Variants in HMGXB3 observed in about 807,000 individuals in gnomAD.
HMGXB3 encodes HMG domain-containing protein 3.
Under a neutral mutation model 121.5 loss-of-function variants are expected in HMGXB3, and 45 were observed. That is an observed-to-expected ratio of 0.37 (90% confidence interval 0.29 to 0.47). The LOEUF is 0.47. Among genes scored for constraint, HMGXB3 ranks in the 20% least tolerant of loss-of-function variants. HMGXB3 has a pLI of 0.99. For synonymous variants in HMGXB3, 590 were observed against 624.1 expected (o/e 0.95, Z 0.81); for missense variants, 1,376 against 1,602.2 (o/e 0.86, Z 2.41).
rs6876881 is a variant in HMGXB3 at position 150,013,066 on chromosome 5, A to G, written c.909+713A>G. 1.2e-3 allele frequency among the ~76,000 whole-genome samples: 181 copies of G among 152,212 alleles called. 1 individual carries two copies. Among genetic ancestry groups the G allele is most frequent in the African/African-American group, 4.3e-3 (177 of 41,506 alleles). On this transcript the variant is annotated intron_variant, in intron 5 of 19. Transcript: ENST00000502717. ...ATGACAGTTTTATATGTCCTTTCTG[A>G]TTTGAATTCCTTCTTTTTCTTGCCT...
intron 7 of HMGXB3, 33 bp from the exon 8 acceptor site, chr5:150,026,673 G>T: frequency 6.5e-7 from 1 of 1,533,376 alleles, no homozygotes; most frequent in Non-Finnish European, 8.8e-7. Flanking sequence ...CTTTGTTCCA[G>T]AATTTCCAGA....
At chr5:150,036,491 A>G (rs1383836721) in intron 11 of HMGXB3, 145 bp from the exon 12 acceptor site, 1 of 648,866 alleles carries the variant, frequency 1.5e-6, no homozygotes, top group Non-Finnish European at 2.6e-6. Flanking sequence ...ACAGTGAGTT[A>G]TTAGCTGAGC....
At chr5:150,038,190 C>A (rs10075825) in intron 13 of HMGXB3, among the ~76,000 whole-genome samples, 2,246 of 152,270 alleles carry the variant, frequency 0.015, 63 homozygotes, top group African/African-American at 0.052. Context: ...GAACACTCAC[C>A]GTGTACCAGC....
chr5:150,023,588 A>G (rs767846429), intron 6 of HMGXB3, among the ~76,000 whole-genome samples: 3 of 152,250 alleles, frequency 2.0e-5, no homozygotes, highest in Non-Finnish European at 4.4e-5. Flanking sequence ...CTAATTGGAT[A>G]AAAGCTAAGA....
intron 4 of HMGXB3, among the ~76,000 whole-genome samples, chr5:150,011,867 C>T (rs1755849279): frequency 6.6e-6 from 1 of 152,124 alleles, no homozygotes; most frequent in Admixed American, 6.5e-5. Flanking sequence ...CCGCCTCGGC[C>T]TCCCAAAGTG....
chr5:150,003,708 A>G (rs1470858236), intron 1 of HMGXB3, among the ~76,000 whole-genome samples: 1 of 151,624 alleles, frequency 6.6e-6, no homozygotes, highest in East Asian at 1.9e-4. Context: ...TCATGCCTGT[A>G]ATACCAACAG....
At chr5:150,040,301 GCTTT>G (rs1008655725) in intron 13 of HMGXB3, among the ~76,000 whole-genome samples, 7 of 152,134 alleles carry the variant, frequency 4.6e-5, no homozygotes, top group African/African-American at 1.7e-4. Flanking sequence ...TCTTTTTAAT[GCTTT>G]CTATTTTATG....
Position 150,032,618 on chromosome 5 carries a change from C to T in HMGXB3, c.1983+15C>T. 6.4e-7 allele frequency: 1 copy of T among 1,552,146 alleles called. No homozygotes were observed. Among genetic ancestry groups the T allele is most frequent in the Non-Finnish European group, 8.7e-7 (1 of 1,147,012 alleles). ...CCAAGGCTATCGTGAGTTCCTTCCC[C>T]CAAACACATCCCCTGGCCTGTTCTG... On this transcript the variant is annotated intron_variant, in intron 11 of 19. Coordinates refer to ENST00000502717, the MANE Select transcript of HMGXB3 (RefSeq NM_014983.3).
Position 150,012,304 on chromosome 5 carries a change from T to G in HMGXB3, c.860T>G (p.Leu287Trp). 6.4e-7 allele frequency: 1 copy of G among 1,552,372 alleles called. No homozygotes were observed. Among genetic ancestry groups the G allele is most frequent in the Non-Finnish European group, 8.7e-7 (1 of 1,147,118 alleles). The stretch of plus-strand genomic sequence containing the variant: ...GCACCAGCCACACAGTTCATCATGT[T>G]GCCTCTGCCTGCCTACTCGGTTGTG... ...SSAPATQFIM[L>W]PLPAYSVVEN... Residue 287 changes from leucine (L) to tryptophan (W), a missense_variant, in exon 5 of 20, where the codon TTG becomes TGG. Physicochemically the swap from Leu to Trp is moderately conservative, Grantham distance 61 (BLOSUM62 -2). This residue lies in a region of HMGXB3 where 1,116 missense variants were observed against 1,369.0 expected (regional missense o/e 0.82). Transcript: ENST00000502717.
chr5:150,026,088 C>A (rs897672739), intron 7 of HMGXB3, among the ~76,000 whole-genome samples: 5 of 152,186 alleles, frequency 3.3e-5, no homozygotes, highest in African/African-American at 1.2e-4. Flanking sequence ...CCTTGGCCTC[C>A]CAAAGTGCTG....
In HMGXB3 at chr5:150,053,050, A is replaced by G. The variant is rs1062069; in HGVS notation, c.*858A>G. 12,934 of 172,524 alleles carry G rather than the reference A, an allele frequency of 0.075. 685 individuals are homozygous for G. The highest frequency in any genetic ancestry group is 0.14 in the Middle Eastern group (60 of 432). The allele number at this position is 172,524 out of a possible 1,614,324, so 10.7% of individuals were successfully genotyped here. A position where few individuals can be genotyped will look rare whatever the true frequency, so the allele number is the denominator to read the frequency against. Reference sequence around the variant, plus strand: ...TTTGTTTAGGGCCTGGGAATTGGCCATGTGTTAATTTATTGAGTGGAGTAG... The same window carrying G: ...TTTGTTTAGGGCCTGGGAATTGGCCGTGTGTTAATTTATTGAGTGGAGTAG... On this transcript the variant is annotated 3_prime_UTR_variant, in exon 20 of 20. Transcript: ENST00000502717.
At chr5:150,041,704 T>G (rs1435887659) in intron 14 of HMGXB3, 81 bp from the exon 15 acceptor site, 19 of 1,000,792 alleles carry the variant, frequency 1.9e-5, no homozygotes, top group Non-Finnish European at 2.5e-5. Flanking sequence ...AGAATTGCTC[T>G]ACTTACTACC....
intron 3 of HMGXB3, among the ~76,000 whole-genome samples, chr5:150,008,071 A>G (rs983990315): frequency 2.0e-5 from 3 of 150,760 alleles, no homozygotes; most frequent in African/African-American, 7.3e-5. Context: ...ACACACACAC[A>G]CACACACACA....
chr5:150,044,669 AC>A (rs1756715809), intron 15 of HMGXB3, among the ~76,000 whole-genome samples: 2 of 152,134 alleles, frequency 1.3e-5, no homozygotes, highest in African/African-American at 2.4e-5. Flanking sequence ...CCCTTTGAGA[AC>A]CATTCCTCTG....
In HMGXB3 at chr5:150,006,664, T is replaced by G. The variant is rs1755709711; in HGVS notation, c.312+17T>G. Reference sequence around the variant, plus strand: ...TTGGATCCTGTAAGTAATTTTTTTTTCCAGCTATTTTTTCCACTGGTTCAG... The same window carrying G: ...TTGGATCCTGTAAGTAATTTTTTTTGCCAGCTATTTTTTCCACTGGTTCAG... On this transcript the variant is annotated intron_variant, in intron 3 of 19. Transcript: ENST00000502717. 1.1e-5 allele frequency: 17 copies of G among 1,549,182 alleles called. No homozygotes were observed. The highest frequency in any genetic ancestry group is 1.5e-5 in the Non-Finnish European group (17 of 1,145,692).
intron 11 of HMGXB3, among the ~76,000 whole-genome samples, chr5:150,035,613 A>G (rs1756483457): frequency 6.6e-6 from 1 of 152,146 alleles, no homozygotes; most frequent in Non-Finnish European, 1.5e-5. Flanking sequence ...AATAAGCAGA[A>G]TCCTACCCTT....
intron 5 of HMGXB3, among the ~76,000 whole-genome samples, chr5:150,015,497 A>C (rs1233484788): frequency 1.3e-5 from 2 of 152,164 alleles, no homozygotes; most frequent in Non-Finnish European, 2.9e-5. Context: ...TGTGTTGCCC[A>C]GGCTGGTCTT....
chr5:150,022,425 G>A (rs1756119126), intron 6 of HMGXB3, among the ~76,000 whole-genome samples: 1 of 152,188 alleles, frequency 6.6e-6, no homozygotes, highest in Admixed American at 6.5e-5. Flanking sequence ...TCATTCTTAA[G>A]GCTCTCTGAT....
In HMGXB3 at chr5:150,024,488, C is replaced by T; in HGVS notation, c.1268C>T (p.Ala423Val). 1 of 1,551,696 alleles carries T rather than the reference C, an allele frequency of 6.4e-7. No individual in the cohort carries two copies. The change falls in exon 7 of 20, where the codon GCC becomes GTC. Residue 423 changes from alanine to valine, a missense_variant. Around this residue, in one of 2 missense-constraint regions of HMGXB3, gnomAD observed 1,116 missense variants for 1,369.0 expected, o/e 0.82. Transcript: ENST00000502717. ...TGGGAGGAAGTGATCATCTCCGATG[C>T]CCATGTTTTGGTTAAGGAAGCTCCC... Reference protein sequence around the residue: ...SEWEEVIISDAHVLVKEAPGN... With the variant: ...SEWEEVIISDVHVLVKEAPGN...
Sources: allele counts gnomAD v4.1 joint callset (sites outside exome capture counted in the v4.1 genomes callset), GRCh38; gene constraint gnomAD v4.1.1; regional missense constraint gnomAD v4.1.1; transcripts MANE v1.5; gene names NCBI Gene and HGNC (gene_info 2026-07-23, HGNC 2026-07-21).